The following PI4KA variants were observed in gnomAD, a reference collection of about 807,000 sequenced individuals.
PI4KA encodes phosphatidylinositol 4-kinase alpha.
PI4KA carries 122 observed loss-of-function variants against 271.4 expected under a neutral mutation model. That is an observed-to-expected ratio of 0.45 (90% CI 0.39 to 0.52). The LOEUF is 0.52. Among genes scored for constraint, PI4KA ranks in the 20% least tolerant of loss-of-function variants. PI4KA has a pLI of 0.00. For missense variants in PI4KA, 1,969 were observed against 2,769.1 expected, an observed-to-expected ratio of 0.71 and a Z score of 6.48; for synonymous variants, 1,041 against 1,078.8, an observed-to-expected ratio of 0.96 and a Z score of 0.69.
chr22:20,825,775 T>C (rs1293841130), intron 3 of PI4KA, among the ~76,000 whole-genome samples: 1 of 152,162 alleles, frequency 6.6e-6, no homozygotes, highest in Non-Finnish European at 1.5e-5. Context: ...CGCAGTTTTG[T>C]TATACAGGTA....
At position 20,810,988 on chromosome 22, in the gene PI4KA, G is replaced by C; in HGVS notation, c.1050C>G (p.Ala350=). The C allele has an allele frequency of 1.2e-6, 2 of 1,613,472 alleles. No individual in the cohort carries two copies. The highest frequency in any genetic ancestry group is 1.1e-5 in the South Asian group (1 of 91,066). Residue 350 remains alanine (A), a synonymous_variant, in exon 9 of 55, where the codon GCC becomes GCG. Transcript: ENST00000255882. ...VEEAVLKSLD[A]IVASVMEANP... Reference sequence around the variant, plus strand: ...ATACCTCCATCACACTGGCTACAATGGCATCCAAAGATTTGAGAACAGCCT... The same window carrying C: ...ATACCTCCATCACACTGGCTACAATCGCATCCAAAGATTTGAGAACAGCCT...
At chr22:20,827,237 T>C (rs1923542893) in intron 3 of PI4KA, among the ~76,000 whole-genome samples, 1 of 152,192 alleles carries the variant, frequency 6.6e-6, no homozygotes, top group Non-Finnish European at 1.5e-5. Context: ...GTATAAGGTG[T>C]AAGTAAGGGG....
At chr22:20,782,636 C>T (rs1415205803) in intron 19 of PI4KA, among the ~76,000 whole-genome samples, 2 of 152,144 alleles carry the variant, frequency 1.3e-5, no homozygotes, top group East Asian at 1.9e-4. Context: ...CTGAAAGGGC[C>T]GTGATTCCCA....
At chr22:20,758,055 T>C (rs1931499815) in intron 23 of PI4KA, among the ~76,000 whole-genome samples, 1 of 152,016 alleles carries the variant, frequency 6.6e-6, no homozygotes, top group South Asian at 2.1e-4. Context: ...CCAACACAAA[T>C]TTGTAAACTT....
chr22:20,803,365 C>T lies in PI4KA; in HGVS notation c.1462-45G>A, dbSNP rs761801438. On this transcript the variant is annotated intron_variant, in intron 12 of 54. Transcript: ENST00000255882. ...TGTCACATGGCCTGTGGTATGGGAC[C>T]ATCTGAGTAGGCCCTGAGCAGGGAG... The T allele has an allele frequency of 3.1e-6, 5 of 1,612,170 alleles. No individual in the cohort carries two copies. The Admixed American group carries it at 5.0e-5, about 16-fold the overall frequency.
chr22:20,836,640 G>A (rs900272668), intron 2 of PI4KA, among the ~76,000 whole-genome samples: 5 of 152,200 alleles, frequency 3.3e-5, no homozygotes, highest in Admixed American at 1.3e-4. Context: ...AGCCCATCCT[G>A]GAGGGAAGCA....
At chr22:20,786,239 T>C in intron 19 of PI4KA, 1 of 1,392,488 alleles carries the variant, frequency 7.2e-7, no homozygotes, top group Admixed American at 1.7e-5. Context: ...CACCCCCCAA[T>C]CTCATGTCCC....
intron 30 of PI4KA, 152 bp downstream of exon 30, chr22:20,744,476 A>T: frequency 1.7e-6 from 1 of 582,530 alleles, no homozygotes; most frequent in Non-Finnish European, 3.1e-6. Context: ...TGTGCCAAGA[A>T]TCCTCCTAAA....
chr22:20,779,286 T>C lies in PI4KA; in HGVS notation c.2329-13593A>G, dbSNP rs373573373. On this transcript the variant is annotated intron_variant, in intron 19 of 54. Coordinates refer to ENST00000255882, the MANE Select transcript of PI4KA (RefSeq NM_058004.4). ...AGGCCGCCTTTCACTGTGTTCTGTTTTCCCTCCCAGCTTTAGCTCCGCCAA... is the reference window on the plus strand; with the variant it reads ...AGGCCGCCTTTCACTGTGTTCTGTTCTCCCTCCCAGCTTTAGCTCCGCCAA... The C allele has an allele frequency of 1.9e-5, 31 of 1,613,902 alleles. No individual in the cohort carries two copies. The African/African-American group carries it at 2.9e-4, about 15-fold the overall frequency.
intron 32 of PI4KA, among the ~76,000 whole-genome samples, chr22:20,741,362 C>T (rs959508228): frequency 2.0e-4 from 30 of 152,198 alleles, no homozygotes; most frequent in African/African-American, 7.2e-4. Flanking sequence ...CAGGCTGAAG[C>T]GTGACTTCCA....
intron 50 of PI4KA, 83 bp from the exon 51 acceptor site, chr22:20,711,544 C>G (rs1925276170): frequency 1.8e-6 from 2 of 1,115,632 alleles, no homozygotes; most frequent in Admixed American, 2.1e-5. Context: ...ATCCCTGGGC[C>G]TGTGGGCACT....
chr22:20,809,877 C>T (rs780069589), intron 9 of PI4KA, among the ~76,000 whole-genome samples: 23 of 152,262 alleles, frequency 1.5e-4, no homozygotes, highest in South Asian at 4.1e-4. Flanking sequence ...TGCAATAGCT[C>T]GTTGGCAGGG....
intron 36 of PI4KA, among the ~76,000 whole-genome samples, chr22:20,730,721 C>G (rs1282322365): frequency 6.6e-6 from 1 of 151,978 alleles, no homozygotes; most frequent in Non-Finnish European, 1.5e-5. Context: ...AGACGCCCAC[C>G]ACCATGCCTG....
chr22:20,838,460 T>C (rs1215030819), intron 2 of PI4KA, among the ~76,000 whole-genome samples, 155 bp downstream of exon 2: 1 of 152,210 alleles, frequency 6.6e-6, no homozygotes, highest in Non-Finnish European at 1.5e-5. Context: ...GGAAGTTTCA[T>C]TCCCACCTTG....
At chr22:20,794,732 A>G (rs1934875818) in intron 18 of PI4KA, among the ~76,000 whole-genome samples, 2 of 152,330 alleles carry the variant, frequency 1.3e-5, no homozygotes, top group South Asian at 4.1e-4. Context: ...CGCCACAGGC[A>G]GAGAGGACCC....
intron 36 of PI4KA, among the ~76,000 whole-genome samples, 157 bp downstream of exon 36, chr22:20,732,814 T>C (rs556748988): frequency 1.3e-5 from 2 of 152,318 alleles, no homozygotes; most frequent in South Asian, 2.1e-4. Flanking sequence ...GAGCCAGGCA[T>C]GCACCGGCCT....
Position 20,819,614 on chromosome 22 carries a change from G to C in PI4KA, c.789+27C>G, listed in dbSNP as rs189343201. 3.1e-6 allele frequency: 5 copies of C among 1,605,026 alleles called. No homozygotes were observed. In the African/African-American group the frequency reaches 5.4e-5, roughly 17 times the overall value. On this transcript the variant is annotated intron_variant, in intron 6 of 54. Coordinates refer to ENST00000255882, the MANE Select transcript of PI4KA (RefSeq NM_058004.4). ...GAGCTTAACAGGGTCTTTCTCCTCT[G>C]CTCTTTCCCCAGTAGCCCAGGCCCA...
At chr22:20,773,726 G>A (rs1933023437) in intron 19 of PI4KA, among the ~76,000 whole-genome samples, 1 of 152,202 alleles carries the variant, frequency 6.6e-6, no homozygotes, top group African/African-American at 2.4e-5. Context: ...GTGGAGGGCA[G>A]ATGCTGTGAT....
intron 1 of PI4KA, among the ~76,000 whole-genome samples, chr22:20,857,619 A>G (rs1190034995): frequency 3.3e-5 from 5 of 152,208 alleles, no homozygotes; most frequent in Non-Finnish European, 7.4e-5. Flanking sequence ...GTGGGCAAAG[A>G]AAGTTGACAT....
Sources: allele counts gnomAD v4.1 joint callset (sites outside exome capture counted in the v4.1 genomes callset), GRCh38; gene constraint gnomAD v4.1.1; transcripts MANE v1.5; gene names NCBI Gene and HGNC (gene_info 2026-07-23, HGNC 2026-07-21).